Variants in FMN2 observed in about 807,000 individuals in gnomAD.
The protein encoded by FMN2 is formin-2.
Under a neutral mutation model 142.3 loss-of-function variants are expected in FMN2, and 51 were observed. The observed-to-expected ratio is 0.36, with a 90% CI of 0.29 to 0.45. The LOEUF (loss-of-function observed/expected upper bound fraction) is 0.45. Among genes scored for constraint, FMN2 ranks in the 20% least tolerant of loss-of-function variants. The pLI, the probability that FMN2 is intolerant of heterozygous loss-of-function variation, is 1.00. For missense variants in FMN2, 1,936 were observed against 2,122.8 expected (o/e 0.91, Z 1.73); for synonymous variants, 882 against 869.8 (o/e 1.01, Z -0.25).
At chr1:240,314,840 T>C (rs1670718391) in intron 8 of FMN2, among the ~76,000 whole-genome samples, 2 of 152,360 alleles carry the variant, frequency 1.3e-5, no homozygotes, top group South Asian at 4.1e-4. Flanking sequence ...CCATTGTTTT[T>C]ACATAAATTC....
chr1:240,223,865 T>G (rs888125716), intron 6 of FMN2, among the ~76,000 whole-genome samples: 10 of 151,270 alleles, frequency 6.6e-5, no homozygotes, highest in African/African-American at 2.4e-4. Context: ...TCTATTTGTT[T>G]CTTATCTCTT....
rs1674356509 is a variant in FMN2 at position 240,410,574 on chromosome 1, G to A, written c.4910+18012G>A. Among the ~76,000 whole-genome samples the A allele has an allele frequency of 3.9e-5, 6 of 152,144 alleles. 1 individual carries two copies. In the South Asian group the frequency reaches 1.2e-3, roughly 31 times the overall value. On this transcript the variant is annotated intron_variant, in intron 15 of 17. Transcript: ENST00000319653. Reference sequence around the variant, plus strand: ...AATAAATTCCAAAAGGATTAAGGAAGTAAATGTTAAAATTTCAACTTTAAC... The same window carrying A: ...AATAAATTCCAAAAGGATTAAGGAAATAAATGTTAAAATTTCAACTTTAAC...
intron 8 of FMN2, among the ~76,000 whole-genome samples, chr1:240,324,666 C>CGAAAGAAG (rs1214375858): frequency 8.7e-6 from 1 of 115,444 alleles, no homozygotes; most frequent in African/African-American, 3.4e-5. Flanking sequence ...GAGACCCTGT[C>CGAAAGAAG]GAAAGAAGGA....
chr1:240,159,805 G>C (rs1664183536), intron 2 of FMN2, among the ~76,000 whole-genome samples: 1 of 150,876 alleles, frequency 6.6e-6, no homozygotes, highest in Non-Finnish European at 1.5e-5. Flanking sequence ...AGTCATGGTG[G>C]TATGAATGTT....
At chr1:240,143,279 G>A in intron 2 of FMN2, 2 of 1,548,834 alleles carry the variant, frequency 1.3e-6, no homozygotes, top group Non-Finnish European at 8.9e-7. Flanking sequence ...TATCCAGGAT[G>A]TTGATTTGAA....
chr1:240,284,680 G>T (rs1215325810), intron 7 of FMN2, among the ~76,000 whole-genome samples: 4 of 152,168 alleles, frequency 2.6e-5, no homozygotes, highest in Non-Finnish European at 5.9e-5. Flanking sequence ...GAAAGGCAGA[G>T]AAACTTTCTA....
At chr1:240,367,744 G>A (rs1028105969) in intron 14 of FMN2, among the ~76,000 whole-genome samples, 4 of 143,954 alleles carry the variant, frequency 2.8e-5, no homozygotes, top group African/African-American at 7.9e-5. Flanking sequence ...CTCTAGCCTG[G>A]GTGACAGAGC....
chr1:240,232,160 C>G (rs1667548015), intron 6 of FMN2, among the ~76,000 whole-genome samples: 1 of 151,950 alleles, frequency 6.6e-6, no homozygotes, highest in Non-Finnish European at 1.5e-5. Context: ...ACCTCCGCCT[C>G]CTGGGTTCAA....
intron 1 of FMN2, among the ~76,000 whole-genome samples, chr1:240,118,182 G>A (rs779661039): frequency 6.6e-6 from 1 of 152,162 alleles, no homozygotes; most frequent in Non-Finnish European, 1.5e-5. Context: ...TGTTGCGGGG[G>A]TTGTGACTGA....
At chr1:240,270,311 A>T (rs1325556375) in intron 7 of FMN2, among the ~76,000 whole-genome samples, 2 of 152,150 alleles carry the variant, frequency 1.3e-5, no homozygotes, top group Non-Finnish European at 2.9e-5. Context: ...TAATATAGCC[A>T]TTGTGGAAAA....
At chr1:240,192,940 A>G (rs1665767344) in intron 4 of FMN2, among the ~76,000 whole-genome samples, 1 of 152,142 alleles carries the variant, frequency 6.6e-6, no homozygotes, top group South Asian at 2.1e-4. Context: ...ATCACAAAAG[A>G]AACTCTTCTA....
At chr1:240,179,136 C>CATGAGAATT (rs1665047396) in intron 3 of FMN2, among the ~76,000 whole-genome samples, 1 of 152,064 alleles carries the variant, frequency 6.6e-6, no homozygotes, top group Admixed American at 6.6e-5. Context: ...GAATTATAGG[C>CATGAGAATT]ATTTATATGA....
chr1:240,209,783 A>G (rs960764983), intron 5 of FMN2, among the ~76,000 whole-genome samples: 4 of 151,744 alleles, frequency 2.6e-5, no homozygotes, highest in Non-Finnish European at 5.9e-5. Context: ...GGGCGCCGGT[A>G]GTTCCAGCTA....
intron 1 of FMN2, among the ~76,000 whole-genome samples, chr1:240,116,706 T>C (rs960130172): frequency 6.6e-6 from 1 of 151,876 alleles, no homozygotes; most frequent in Admixed American, 6.6e-5. Flanking sequence ...CAGTGAGTTA[T>C]GATAGGGCCA....
At chr1:240,334,332 T>C in intron 13 of FMN2, 103 bp downstream of exon 13, 2 of 1,327,810 alleles carry the variant, frequency 1.5e-6, no homozygotes, top group African/African-American at 1.5e-5. Context: ...TTTATCTTTA[T>C]AGAACTAAAT....
chr1:240,360,744 G>A (rs888266251), intron 14 of FMN2, among the ~76,000 whole-genome samples: 2 of 152,038 alleles, frequency 1.3e-5, no homozygotes, highest in African/African-American at 4.8e-5. Context: ...ATGATAGACT[G>A]GATTAAGAAA....
Position 240,093,231 on chromosome 1 carries a change from C to T in FMN2, c.1122C>T (p.Ala374=). The change falls in exon 1 of 18, where the codon GCC becomes GCT. Residue 374 remains alanine, a synonymous_variant. Transcript: ENST00000319653. ...GGGCCCCGGAGGTGGGAGAGGACGC[C>T]CCGCAGAGGCTGGGGGAAGAGCCGG... ...EEWAPEVGED[A]PQRLGEEPEE... 7.8e-6 allele frequency: 12 copies of T among 1,541,146 alleles called. No homozygotes were observed. The highest frequency in any genetic ancestry group is 1.0e-5 in the Non-Finnish European group (12 of 1,145,610).
intron 6 of FMN2, among the ~76,000 whole-genome samples, chr1:240,230,760 G>A (rs951692636): frequency 1.5e-5 from 2 of 131,454 alleles, no homozygotes; most frequent in Non-Finnish European, 3.2e-5. Context: ...CTAACATTTT[G>A]TGTACTTAAT....
At chr1:240,328,813 A>T (rs2103012692) in intron 8 of FMN2, among the ~76,000 whole-genome samples, 1 of 151,536 alleles carries the variant, frequency 6.6e-6, no homozygotes, top group East Asian at 1.9e-4. Flanking sequence ...CAGTCCTCAA[A>T]CTCCTGACCT....
Sources: allele counts gnomAD v4.1 joint callset (sites outside exome capture counted in the v4.1 genomes callset), GRCh38; gene constraint gnomAD v4.1.1; transcripts MANE v1.5; gene names NCBI Gene and HGNC (gene_info 2026-07-23, HGNC 2026-07-21).